Variants in ADAMTSL1 observed in about 807,000 individuals in gnomAD.
ADAMTSL1 encodes the protein ADAMTS like 1, also known as ADAMTS-like protein 1.
In ADAMTSL1, 126 loss-of-function variants were observed where a neutral mutation model predicts 201.8. The observed-to-expected ratio is 0.62, with a 90% CI of 0.54 to 0.72. The LOEUF is 0.72. Ranked by LOEUF, ADAMTSL1 falls within the 30% of genes least tolerant of loss-of-function variation. The probability of loss-of-function intolerance (pLI) is 0.00; values close to 1 mark genes in which losing one functional copy is unlikely to be tolerated. For synonymous variants in ADAMTSL1, 1,121 were observed against 903.4 expected, an observed-to-expected ratio of 1.24 and a Z score of -4.32; for missense variants, 2,679 against 2,277.8, an observed-to-expected ratio of 1.18 and a Z score of -3.59.
At chr9:18,620,408 C>G (rs1037396110) in intron 4 of ADAMTSL1, among the ~76,000 whole-genome samples, 5 of 152,160 alleles carry the variant, frequency 3.3e-5, no homozygotes, top group Admixed American at 6.5e-5. Context: ...AGCACAGTGG[C>G]TGGCCCATAG....
At chr9:18,908,188 G>GC in intron 28 of ADAMTSL1, 1 of 508,088 alleles carries the variant, frequency 2.0e-6, no homozygotes, top group South Asian at 2.1e-5. Context: ...CAGAAAACAA[G>GC]CAGACAGCCC....
intron 1 of ADAMTSL1, among the ~76,000 whole-genome samples, chr9:18,039,935 T>A (rs1821364778): frequency 6.6e-6 from 1 of 152,210 alleles, no homozygotes; most frequent in South Asian, 2.1e-4. Context: ...GCAGTTTTCC[T>A]CTTTAGACAT....
chr9:18,465,119 CAT>C (rs889230760), intron 2 of ADAMTSL1, among the ~76,000 whole-genome samples: 30 of 152,168 alleles, frequency 2.0e-4, no homozygotes, highest in African/African-American at 7.0e-4. Flanking sequence ...TCCACCTACA[CAT>C]GTTTCTACAC....
At position 18,681,744 on chromosome 9, in the gene ADAMTSL1, A is replaced by T. The variant is rs1427444571; in HGVS notation, c.1342-68A>T. 5 of 1,166,818 alleles carry T rather than the reference A, an allele frequency of 4.3e-6. No individual in the cohort carries two copies. In the African/African-American group the frequency reaches 5.4e-5, roughly 13 times the overall value. The allele number at this position is 1,166,818 out of a possible 1,614,324, so 72.3% of individuals were successfully genotyped here. ...AGAAAACTTAGATTAAAAGTTTTCG[A>T]TGGGAAGTGAAGAAAAGTAAACAAG... On this transcript the variant is annotated intron_variant, in intron 11 of 28. Coordinates refer to ENST00000380548, the MANE Select transcript of ADAMTSL1 (RefSeq NM_001040272.6).
chr9:18,467,404 C>G (rs1380594260), intron 2 of ADAMTSL1, among the ~76,000 whole-genome samples: 1 of 152,132 alleles, frequency 6.6e-6, no homozygotes, highest in Non-Finnish European at 1.5e-5. Flanking sequence ...TGATCAGTAA[C>G]TCTTTGACAG....
At chr9:18,898,833 C>T (rs1425766953) in intron 26 of ADAMTSL1, among the ~76,000 whole-genome samples, 2 of 152,168 alleles carry the variant, frequency 1.3e-5, no homozygotes, top group African/African-American at 4.8e-5. Flanking sequence ...GACAAATCAG[C>T]AGTTGCTATT....
intron 5 of ADAMTSL1, among the ~76,000 whole-genome samples, chr9:18,633,058 G>A (rs576431837): frequency 2.4e-4 from 36 of 152,244 alleles, no homozygotes; most frequent in African/African-American, 8.2e-4. Flanking sequence ...TCCAGTTTAT[G>A]GAATGTGAGT....
intron 26 of ADAMTSL1, among the ~76,000 whole-genome samples, chr9:18,903,993 A>G (rs1279638064): frequency 6.6e-6 from 1 of 151,076 alleles, no homozygotes; most frequent in Non-Finnish European, 1.5e-5. Flanking sequence ...GGGTCTCACT[A>G]TGTTGTCCAG....
intron 25 of ADAMTSL1, among the ~76,000 whole-genome samples, chr9:18,892,086 T>G (rs777420180): frequency 7.9e-5 from 12 of 152,222 alleles, no homozygotes; most frequent in Non-Finnish European, 1.8e-4. Context: ...CCTCTCTGTA[T>G]GAACACTTGT....
At chr9:18,164,537 C>T (rs1167076024) in intron 2 of ADAMTSL1, among the ~76,000 whole-genome samples, 1 of 151,628 alleles carries the variant, frequency 6.6e-6, no homozygotes, top group East Asian at 2.0e-4. Flanking sequence ...ACAGGCCTTT[C>T]TCTGCTTGCG....
intron 2 of ADAMTSL1, among the ~76,000 whole-genome samples, chr9:18,442,605 C>G (rs1357550189): frequency 6.6e-6 from 1 of 152,174 alleles, no homozygotes; most frequent in Non-Finnish European, 1.5e-5. Context: ...TTGAGTCTCT[C>G]AAATGTGCTA....
At chr9:17,972,154 T>A (rs998422426) in intron 1 of ADAMTSL1, among the ~76,000 whole-genome samples, 3 of 147,078 alleles carry the variant, frequency 2.0e-5, no homozygotes, top group Middle Eastern at 3.5e-3. Context: ...TTCTTTTTTT[T>A]AAATTTTTTT....
At chr9:18,453,459 A>C (rs1022970392) in intron 2 of ADAMTSL1, among the ~76,000 whole-genome samples, 2 of 152,018 alleles carry the variant, frequency 1.3e-5, no homozygotes, top group African/African-American at 4.8e-5. Context: ...ACTTGGCCAC[A>C]CCCTTGGTTT....
intron 1 of ADAMTSL1, among the ~76,000 whole-genome samples, chr9:17,961,439 T>A (rs558271347): frequency 6.6e-6 from 1 of 152,052 alleles, no homozygotes; most frequent in East Asian, 1.9e-4. Flanking sequence ...TTAGTAGAGA[T>A]GGGGTTTCTC....
intron 1 of ADAMTSL1, among the ~76,000 whole-genome samples, chr9:18,019,087 T>A (rs1586903398): frequency 6.6e-6 from 1 of 152,022 alleles, no homozygotes; most frequent in African/African-American, 2.4e-5. Flanking sequence ...TTCGAAAAAC[T>A]GGAGGAAGGG....
intron 15 of ADAMTSL1, among the ~76,000 whole-genome samples, chr9:18,738,347 A>G (rs1459735513): frequency 6.6e-6 from 1 of 152,230 alleles, no homozygotes; most frequent in Non-Finnish European, 1.5e-5. Context: ...GTAGCCATCA[A>G]TAAGAAAAGG....
chr9:18,662,111 A>G (rs1829132861), intron 9 of ADAMTSL1, 38 bp downstream of exon 9: 1 of 1,590,290 alleles, frequency 6.3e-7, no homozygotes, highest in Non-Finnish European at 8.5e-7. Flanking sequence ...CATAAACATA[A>G]CTCAAGTTCC....
chr9:18,240,074 A>G (rs1268669632), intron 2 of ADAMTSL1, among the ~76,000 whole-genome samples: 1 of 152,198 alleles, frequency 6.6e-6, no homozygotes, highest in African/African-American at 2.4e-5. Context: ...TCTCAATGGC[A>G]TCTAGAAAGG....
intron 4 of ADAMTSL1, among the ~76,000 whole-genome samples, chr9:18,600,558 A>G (rs1587680799): frequency 6.6e-6 from 1 of 152,230 alleles, no homozygotes; most frequent in Admixed American, 6.5e-5. Context: ...CCTACTTGCC[A>G]CTGGTTTTTG....
Sources: gnomAD v4.1 joint callset for allele counts (sites outside exome capture counted in the v4.1 genomes callset) on GRCh38, gnomAD v4.1.1 for gene constraint, MANE v1.5 for transcripts, NCBI Gene and HGNC (gene_info 2026-07-23, HGNC 2026-07-21) for gene names.